The following DNAH12 variants were observed in gnomAD, a reference collection of about 807,000 sequenced individuals.
DNAH12 encodes dynein axonemal heavy chain 12.
In DNAH12, 285 loss-of-function variants were observed where a neutral mutation model predicts 371.5. The ratio of observed to expected loss-of-function variants is 0.77; its 90% confidence interval spans 0.70 to 0.85. The LOEUF (loss-of-function observed/expected upper bound fraction) is 0.85, where lower values mean the gene tolerates loss of function less well. Among genes scored for constraint, DNAH12 ranks in the 40% least tolerant of loss-of-function variants. DNAH12 has a pLI of 0.00. For synonymous variants in DNAH12, 1,200 were observed against 1,213.0 expected, an observed-to-expected ratio of 0.99 and a Z score of 0.22; for missense variants, 3,611 against 3,689.4, an observed-to-expected ratio of 0.98 and a Z score of 0.55.
In DNAH12 at chr3:57,293,982, A is replaced by G. The variant is rs2061176196; in HGVS notation, c.11693-11T>C. The G allele has an allele frequency of 1.4e-6, 2 of 1,428,230 alleles. No homozygotes were observed. Among genetic ancestry groups the G allele is most frequent in the South Asian group, 1.6e-5 (1 of 64,310 alleles). 88.5% of individuals were successfully genotyped at this position (1,428,230 alleles called of 1,614,324 possible). On this transcript the variant is annotated splice_polypyrimidine_tract_variant and intron_variant, in intron 73 of 73. Coordinates refer to ENST00000495027, the MANE Select transcript of DNAH12 (RefSeq NM_001366028.2). ...TCCGAGATTTTTGAGCTTGAAAAAA[A>G]AAAAGAAATATATTCACTTGATAAA...
intron 2 of DNAH12, among the ~76,000 whole-genome samples, chr3:57,536,706 G>A (rs1038737123): frequency 2.0e-5 from 3 of 152,136 alleles, no homozygotes; most frequent in South Asian, 2.1e-4. Context: ...ACTTTGGTAT[G>A]CACTAGTTGG....
chr3:57,383,306 AG>A (rs2153343854), intron 49 of DNAH12, among the ~76,000 whole-genome samples: 2 of 152,288 alleles, frequency 1.3e-5, no homozygotes, highest in South Asian at 4.1e-4. Context: ...CAGGTAATAC[AG>A]CATTTGATAT....
chr3:57,531,863 G>A (rs1328724800), intron 2 of DNAH12, among the ~76,000 whole-genome samples: 3 of 149,974 alleles, frequency 2.0e-5, no homozygotes, highest in Non-Finnish European at 4.4e-5. Flanking sequence ...GTACTTGAAT[G>A]TCAATTATCT....
chr3:57,356,079 A>C (rs1209261496), intron 59 of DNAH12, among the ~76,000 whole-genome samples: 1 of 152,180 alleles, frequency 6.6e-6, no homozygotes, highest in East Asian at 1.9e-4. Flanking sequence ...TGTAATCCCC[A>C]ACTCCAGTCT....
At chr3:57,519,576 A>C (rs1053250625) in intron 4 of DNAH12, 49 of 717,410 alleles carry the variant, frequency 6.8e-5, no homozygotes, top group Non-Finnish European at 9.1e-5. Flanking sequence ...TTGAAGAAGT[A>C]ATCCCCTGGA....
chr3:57,400,479 AC>A (rs2063834650), intron 43 of DNAH12, among the ~76,000 whole-genome samples: 1 of 151,988 alleles, frequency 6.6e-6, no homozygotes, highest in Admixed American at 6.6e-5. Flanking sequence ...ACATTCCAAG[AC>A]CCCCAGTGGA....
At chr3:57,436,265 C>A (rs1390366162) in intron 30 of DNAH12, among the ~76,000 whole-genome samples, 1 of 152,042 alleles carries the variant, frequency 6.6e-6, no homozygotes, top group Non-Finnish European at 1.5e-5. Context: ...TGTCCATAGC[C>A]ACTTTAATGA....
intron 30 of DNAH12, among the ~76,000 whole-genome samples, chr3:57,435,694 C>T (rs924810348): frequency 6.6e-6 from 1 of 151,618 alleles, no homozygotes; most frequent in Non-Finnish European, 1.5e-5. Flanking sequence ...TGGTGGTGCG[C>T]ACCTGTAGTC....
intron 2 of DNAH12, among the ~76,000 whole-genome samples, chr3:57,531,687 C>A (rs2068853524): frequency 6.8e-6 from 1 of 147,084 alleles, no homozygotes; most frequent in Non-Finnish European, 1.5e-5. Flanking sequence ...CCCTTGAACC[C>A]AGGAGGCTGA....
At chr3:57,402,336 T>A (rs1486792562) in intron 43 of DNAH12, 1 of 1,199,484 alleles carries the variant, frequency 8.3e-7, no homozygotes, top group Non-Finnish European at 1.1e-6. Flanking sequence ...TTGTATCATC[T>A]CTCTGTTGGG....
intron 38 of DNAH12, 142 bp downstream of exon 38, chr3:57,415,284 C>T: frequency 2.6e-6 from 3 of 1,164,566 alleles, no homozygotes; most frequent in South Asian, 3.3e-5. Context: ...TCATTAATTC[C>T]AAAAACTTGT....
the DNAH12 span, among the ~76,000 whole-genome samples, chr3:57,553,894 G>A: frequency 6.7e-6 from 1 of 149,604 alleles, no homozygotes; most frequent in African/African-American, 2.5e-5. Flanking sequence ...GCGCGATCTC[G>A]GCTCACTGCA....
intron 2 of DNAH12, among the ~76,000 whole-genome samples, chr3:57,542,155 T>TGG (rs35978339): frequency 1.2e-5 from 1 of 82,332 alleles, no homozygotes; most frequent in African/African-American, 7.3e-5. Flanking sequence ...TCCACTAAAC[T>TGG]GGGGGGGGGG....
chr3:57,316,663 G>A (rs1014039420), intron 65 of DNAH12, among the ~76,000 whole-genome samples: 10 of 152,036 alleles, frequency 6.6e-5, no homozygotes, highest in African/African-American at 2.2e-4. Context: ...TGCGTGTTGA[G>A]GGAGGGAGGT....
intron 17 of DNAH12, among the ~76,000 whole-genome samples, chr3:57,463,088 T>C (rs756481478): frequency 7.2e-5 from 11 of 151,902 alleles, no homozygotes; most frequent in Non-Finnish European, 1.3e-4. Flanking sequence ...CATATAAAAA[T>C]AGCCAGGAAA....
At chr3:57,405,532 T>C in intron 41 of DNAH12, 121 bp downstream of exon 41, 3 of 1,176,004 alleles carry the variant, frequency 2.6e-6, no homozygotes. Context: ...CAAACACCTA[T>C]TTACAAGGAA....
chr3:57,368,890 GTACAT>G (rs2063106924), intron 55 of DNAH12, among the ~76,000 whole-genome samples: 2 of 152,156 alleles, frequency 1.3e-5, no homozygotes, highest in Admixed American at 6.6e-5. Flanking sequence ...ATTCAGTACA[GTACAT>G]TAAATTTTCT....
chr3:57,446,699 A>G lies in DNAH12; in HGVS notation c.3787-10T>C, dbSNP rs1332334231. The G allele has an allele frequency of 2.0e-6, 3 of 1,480,966 alleles. No individual in the cohort carries two copies. Among genetic ancestry groups the G allele is most frequent in the Admixed American group, 2.6e-5 (1 of 37,996 alleles). The allele number at this position is 1,480,966 out of a possible 1,614,324, so 91.7% of individuals were successfully genotyped here. A position where few individuals can be genotyped will look rare whatever the true frequency, so the allele number is the denominator to read the frequency against. ...AATAGAAAGCACCTATCTGAAATGA[A>G]AAACACATGTGAAAAGAAATCCATG... On this transcript the variant is annotated splice_polypyrimidine_tract_variant and intron_variant, in intron 25 of 73. Transcript: ENST00000495027.
At chr3:57,444,217 T>C (rs1420923540) in intron 29 of DNAH12, among the ~76,000 whole-genome samples, 1 of 151,456 alleles carries the variant, frequency 6.6e-6, no homozygotes, top group African/African-American at 2.4e-5. Flanking sequence ...ATAATAATTA[T>C]TATAATAAAA....
Sources: allele counts gnomAD v4.1 joint callset (sites outside exome capture counted in the v4.1 genomes callset), GRCh38; gene constraint gnomAD v4.1.1; transcripts MANE v1.5; gene names NCBI Gene and HGNC (gene_info 2026-07-23, HGNC 2026-07-21).